Variants in ECRG4 observed in about 807,000 individuals in gnomAD.
The protein encoded by ECRG4 is ECRG4 augurin precursor.
Under a neutral mutation model 15.8 loss-of-function variants are expected in ECRG4, and 18 were observed. The ratio of observed to expected loss-of-function variants is 1.14; its 90% CI spans 0.79 to 1.69. The LOEUF (loss-of-function observed/expected upper bound fraction) is 1.69. Among genes scored for constraint, ECRG4 ranks in the 40% most tolerant of loss-of-function variants. ECRG4 has a pLI of 0.00. For missense variants in ECRG4, 200 were observed against 190.9 expected (o/e 1.05, Z -0.28); for synonymous variants, 82 against 73.9 (o/e 1.11, Z -0.56).
At chr2:106,064,283 C>T (rs1453200013), upstream of ECRG4, 2 of 152,180 alleles carry the variant, frequency 1.3e-5, no homozygotes, top group Non-Finnish European at 2.9e-5. Flanking sequence ...TTTACTAGCT[C>T]AATGTTAGAA....
chr2:106,065,548 G>C, upstream of ECRG4: 1 of 381,980 alleles, frequency 2.6e-6, no homozygotes, highest in Admixed American at 4.7e-5. Flanking sequence ...GGGCCGGGGC[G>C]GGAGAGAGGA....
intron 3 of ECRG4, among the ~76,000 whole-genome samples, chr2:106,075,930 T>C (rs1676478845): frequency 6.6e-6 from 1 of 152,224 alleles, no homozygotes; most frequent in South Asian, 2.1e-4. Flanking sequence ...ACATACAGAT[T>C]TTAAAATCTT....
chr2:106,073,975 T>C lies in ECRG4; in HGVS notation c.217T>C (p.Trp73Arg). Residue 73 changes from tryptophan to arginine, a missense_variant, in exon 3 of 4, where the codon TGG becomes CGG. Transcript: ENST00000238044. The part of the protein sequence containing the change: ...GSLKRQKRQL[W>R]DRTRPEVQQW... Reference sequence around the variant, plus strand: ...CCTGAAGCGCCAGAAGCGGCAGCTGTGGGACCGGACTCGGCCCGAGGTGCA... The same window carrying C: ...CCTGAAGCGCCAGAAGCGGCAGCTGCGGGACCGGACTCGGCCCGAGGTGCA... 1 of 1,614,204 alleles carries C rather than the reference T, an allele frequency of 6.2e-7. No individual in the cohort carries two copies. The highest frequency in any genetic ancestry group is 8.5e-7 in the Non-Finnish European group (1 of 1,180,046).
At chr2:106,069,223 TCTTTC>T (rs1676300839) in intron 1 of ECRG4, among the ~76,000 whole-genome samples, 2 of 151,202 alleles carry the variant, frequency 1.3e-5, no homozygotes, top group Non-Finnish European at 1.5e-5. Flanking sequence ...TTTTCTTTCT[TCTTTC>T]CTTCTTTCTT....
chr2:106,066,954 G>C (rs1311275940), intron 1 of ECRG4, among the ~76,000 whole-genome samples: 2 of 150,220 alleles, frequency 1.3e-5, no homozygotes, highest in Non-Finnish European at 3.0e-5. Context: ...GTCATTTCCC[G>C]TTGTATGGTT....
At chr2:106,069,290 TTTCTTTCC>T (rs1676305847) in intron 1 of ECRG4, among the ~76,000 whole-genome samples, 1 of 150,668 alleles carries the variant, frequency 6.6e-6, no homozygotes, top group African/African-American at 2.4e-5. Flanking sequence ...TTTCTCTTTC[TTTCTTTCC>T]TTCCTTCCTT....
At chr2:106,069,168 C>CT (rs1414690924) in intron 1 of ECRG4, among the ~76,000 whole-genome samples, 1 of 74,512 alleles carries the variant, frequency 1.3e-5, no homozygotes, top group African/African-American at 4.2e-5. Context: ...TTCTTTCTTT[C>CT]TTTTTTCTTT....
intron 1 of ECRG4, among the ~76,000 whole-genome samples, chr2:106,069,452 G>A (rs1331857501): frequency 6.6e-6 from 1 of 151,502 alleles, no homozygotes; most frequent in African/African-American, 2.4e-5. Context: ...TCCTGCCTCA[G>A]CCTCCTGAGT....
intron 2 of ECRG4, 103 bp from the exon 3 acceptor site, chr2:106,073,783 C>T: frequency 7.2e-7 from 1 of 1,392,976 alleles, no homozygotes; most frequent in Non-Finnish European, 1.0e-6. Flanking sequence ...TCAAAACCCT[C>T]CTACACATGG....
chr2:106,072,046 T>A (rs1199794585), intron 2 of ECRG4, 155 bp downstream of exon 2: 1 of 590,838 alleles, frequency 1.7e-6, no homozygotes, highest in East Asian at 2.8e-5. Flanking sequence ...TCTGTTGGTA[T>A]GTGGTGTGGT....
At chr2:106,071,305 A>C (rs573569522) in intron 1 of ECRG4, among the ~76,000 whole-genome samples, 1 of 138,968 alleles carries the variant, frequency 7.2e-6, no homozygotes, top group East Asian at 2.3e-4. Context: ...AGACCCTCTC[A>C]GTGATGGGTA....
At chr2:106,063,426 C>T (rs552382695), upstream of ECRG4, 2 of 152,200 alleles carry the variant, frequency 1.3e-5, no homozygotes, top group African/African-American at 2.4e-5. Context: ...AAGTAAATAC[C>T]GTTGAACAAA....
chr2:106,074,018 T>G lies in ECRG4; in HGVS notation c.260T>G (p.Phe87Cys). Residue 87 changes from phenylalanine (F) to cysteine (C), a missense_variant, in exon 3 of 4, where the codon TTT (phenylalanine) becomes TGT (cysteine). Physicochemically the swap from Phe to Cys is radical, Grantham distance 205. Transcript: ENST00000238044. The stretch of plus-strand genomic sequence containing the variant: ...GAGGTGCAGCAGTGGTACCAGCAGT[T>G]TCTCTACATGGGCTTTGACGAAGCG... Reference protein sequence around the residue: ...RPEVQQWYQQFLYMGFDEAKF... With the variant: ...RPEVQQWYQQCLYMGFDEAKF... The G allele has an allele frequency of 6.2e-7, 1 of 1,613,506 alleles. No homozygotes were observed. Among genetic ancestry groups the G allele is most frequent in the Non-Finnish European group, 8.5e-7 (1 of 1,180,046 alleles).
chr2:106,071,479 A>G (rs111942840), intron 1 of ECRG4, among the ~76,000 whole-genome samples: 3,864 of 152,244 alleles, frequency 0.025, 172 homozygotes, highest in African/African-American at 0.085. Flanking sequence ...TAGGGGTTTC[A>G]GGAGGACACT....
intron 3 of ECRG4, among the ~76,000 whole-genome samples, chr2:106,075,737 A>AG (rs1553412564): frequency 6.6e-6 from 1 of 152,058 alleles, no homozygotes; most frequent in South Asian, 2.1e-4. Context: ...AGAAAAAAAA[A>AG]AGAGAGTTTA....
rs1676426164 is a variant in ECRG4, at chr2:106,073,942, C to T, written c.184C>T (p.Leu62Phe). The change falls in exon 3 of 4, where the codon CTT (leucine) becomes TTT (phenylalanine). Residue 62 changes from leucine to phenylalanine, a missense_variant. Leu to Phe is a conservative substitution (Grantham distance 22). Transcript: ENST00000238044. ...AVDENKAKEF[L>F]GSLKRQKRQL... ...TGATGAGAATAAAGCCAAAGAATTC[C>T]TTGGCAGCCTGAAGCGCCAGAAGCG... 1 of 1,614,214 alleles carries T rather than the reference C, an allele frequency of 6.2e-7. No individual in the cohort carries two copies. The highest frequency in any genetic ancestry group is 8.5e-7 in the Non-Finnish European group (1 of 1,180,042).
chr2:106,076,074 G>A (rs1676480810), intron 3 of ECRG4, among the ~76,000 whole-genome samples: 1 of 152,210 alleles, frequency 6.6e-6, no homozygotes, highest in Non-Finnish European at 1.5e-5. Context: ...CTAGCACTTT[G>A]GGAGGCCGAG....
At chr2:106,065,616 G>C (rs148306117), upstream of ECRG4, 1,245 of 508,418 alleles carry the variant, frequency 2.4e-3, 17 homozygotes, top group African/African-American at 0.023. Context: ...GCCCTCTGGC[G>C]CGGCGCCCAC....
upstream of ECRG4, among the ~76,000 whole-genome samples, chr2:106,065,094 A>G (rs377625206): frequency 3.9e-5 from 6 of 152,276 alleles, no homozygotes; most frequent in African/African-American, 2.4e-5. Flanking sequence ...CCCGGACTGC[A>G]GCTCTGAACC....
Sources: gnomAD v4.1 joint callset for allele counts (sites outside exome capture counted in the v4.1 genomes callset) on GRCh38, gnomAD v4.1.1 for gene constraint, MANE v1.5 for transcripts, NCBI Gene and HGNC (gene_info 2026-07-23, HGNC 2026-07-21) for gene names.